Variants in HFM1 observed in about 807,000 individuals in gnomAD.
The protein encoded by HFM1 is helicase for meiosis 1.
In HFM1, 169 loss-of-function variants were observed where a neutral mutation model predicts 192.1. The ratio of observed to expected loss-of-function variants is 0.88; its 90% CI spans 0.78 to 1.00. HFM1 has a LOEUF of 1.00. Among genes scored for constraint, HFM1 ranks in the 50% least tolerant of loss-of-function variants. HFM1 has a pLI of 0.00. For synonymous variants in HFM1, 525 were observed against 537.8 expected, an observed-to-expected ratio of 0.98 and a Z score of 0.33; for missense variants, 1,661 against 1,668.0, an observed-to-expected ratio of 1.00 and a Z score of 0.07.
intron 30 of HFM1, among the ~76,000 whole-genome samples, chr1:91,297,417 CCTGT>C (rs1647824009): frequency 6.6e-6 from 1 of 152,008 alleles, no homozygotes; most frequent in Non-Finnish European, 1.5e-5. Flanking sequence ...CTTAAATGTC[CCTGT>C]CTGACAGCTT....
At chr1:91,287,181 C>T (rs991619083) in intron 30 of HFM1, among the ~76,000 whole-genome samples, 6 of 152,212 alleles carry the variant, frequency 3.9e-5, no homozygotes, top group Non-Finnish European at 8.8e-5. Flanking sequence ...GGCCTGCCTG[C>T]CTCTGTAGGC....
At chr1:91,352,445 A>C in intron 16 of HFM1, 61 bp downstream of exon 16, 1 of 1,286,826 alleles carries the variant, frequency 7.8e-7, no homozygotes, top group Non-Finnish European at 1.1e-6. Flanking sequence ...ATCAAAAAAT[A>C]CACAATTTTT....
chr1:91,264,359 G>GTTTTTTTTTTTTTTTT (rs1466938761), intron 36 of HFM1, among the ~76,000 whole-genome samples: 34 of 54,032 alleles, frequency 6.3e-4, no homozygotes, highest in African/African-American at 8.6e-4. Context: ...CACAAATTTA[G>GTTTTTTTTTTTTTTTT]TATTTTTTTT....
At chr1:91,364,630 A>T (rs76279598) in intron 13 of HFM1, among the ~76,000 whole-genome samples, 18,940 of 73,428 alleles carry the variant, frequency 0.26, 2,466 homozygotes, top group East Asian at 0.41. Flanking sequence ...ATATATATAT[A>T]TATTTTTTTT....
chr1:91,364,609 T>TAG (rs1658989138), intron 13 of HFM1, among the ~76,000 whole-genome samples: 1 of 86,224 alleles, frequency 1.2e-5, no homozygotes, highest in Non-Finnish European at 2.1e-5. Flanking sequence ...TACATATACA[T>TAG]ATATATATAT....
At chr1:91,320,404 A>G (rs1316581450) in intron 23 of HFM1, among the ~76,000 whole-genome samples, 1 of 152,206 alleles carries the variant, frequency 6.6e-6, no homozygotes, top group Middle Eastern at 3.2e-3. Context: ...AGAAATAGTT[A>G]CAAAGATACA....
At chr1:91,326,783 T>C (rs1036495763) in intron 20 of HFM1, among the ~76,000 whole-genome samples, 22 of 147,350 alleles carry the variant, frequency 1.5e-4, no homozygotes, top group Non-Finnish European at 2.9e-4. Flanking sequence ...AATGAAGCAA[T>C]CAAAAATAAT....
Position 91,262,461 on chromosome 1 carries a change from AAAG to A in HFM1, c.4086+17_4086+19del. 1.9e-6 allele frequency: 3 copies of A among 1,567,880 alleles called. No homozygotes were observed. Among genetic ancestry groups the A allele is most frequent in the Non-Finnish European group, 2.6e-6 (3 of 1,145,818 alleles). On this transcript the variant is annotated intron_variant, in intron 37 of 38. Transcript: ENST00000370425. ...CTCGGGCAAAATTTAAAAGAAAAAC[AAAG>A]AAGTGCTTCTTCTTACAATAACTGC...
intron 1 of HFM1, among the ~76,000 whole-genome samples, chr1:91,402,855 C>A (rs1664446967): frequency 6.6e-6 from 1 of 152,022 alleles, no homozygotes; most frequent in African/African-American, 2.4e-5. Flanking sequence ...CTTCCTAAAG[C>A]AACTACAAAT....
chr1:91,325,478 A>C (rs1356091881), intron 20 of HFM1, among the ~76,000 whole-genome samples: 2 of 152,184 alleles, frequency 1.3e-5, no homozygotes, highest in Non-Finnish European at 2.9e-5. Flanking sequence ...TGTATTTTTG[A>C]GAGAAAGTAA....
At chr1:91,357,881 GT>G (rs1396443810) in intron 13 of HFM1, among the ~76,000 whole-genome samples, 1 of 152,120 alleles carries the variant, frequency 6.6e-6, no homozygotes, top group Non-Finnish European at 1.5e-5. Context: ...TTAGGAATAA[GT>G]TTAATTAAGG....
chr1:91,264,501 T>C (rs1417880423), intron 36 of HFM1, among the ~76,000 whole-genome samples: 3 of 145,728 alleles, frequency 2.1e-5, no homozygotes, highest in African/African-American at 7.7e-5. Context: ...GCCTCCCGAG[T>C]AGCTGGGACT....
chr1:91,320,146 T>C (rs549864248), intron 23 of HFM1, among the ~76,000 whole-genome samples: 88 of 152,186 alleles, frequency 5.8e-4, no homozygotes, highest in Non-Finnish European at 1.1e-3. Flanking sequence ...GGATCTCTTT[T>C]AAAAAACAAA....
intron 20 of HFM1, among the ~76,000 whole-genome samples, chr1:91,325,949 G>A (rs1652831083): frequency 6.6e-6 from 1 of 151,954 alleles, no homozygotes; most frequent in African/African-American, 2.4e-5. Context: ...CCTAGAGTTG[G>A]AAAAATGCAA....
At chr1:91,389,725 A>C (rs1270392784) in intron 4 of HFM1, among the ~76,000 whole-genome samples, 1 of 152,204 alleles carries the variant, frequency 6.6e-6, no homozygotes, top group African/African-American at 2.4e-5. Flanking sequence ...CAAAATAACT[A>C]AGACAATTAG....
intron 13 of HFM1, among the ~76,000 whole-genome samples, chr1:91,368,141 G>A (rs202208621): frequency 1.1e-4 from 16 of 152,310 alleles, no homozygotes; most frequent in East Asian, 7.7e-4. Flanking sequence ...TGAAAGTGAC[G>A]GGGAGAATGG....
intron 13 of HFM1, among the ~76,000 whole-genome samples, chr1:91,368,287 C>A (rs1659668210): frequency 6.6e-6 from 1 of 152,080 alleles, no homozygotes; most frequent in Non-Finnish European, 1.5e-5. Context: ...CTCCAAGACA[C>A]ATAATTGTCA....
chr1:91,396,522 G>A (rs940147126), intron 2 of HFM1, 117 bp from the exon 3 acceptor site: 2 of 566,202 alleles, frequency 3.5e-6, no homozygotes, highest in Non-Finnish European at 6.2e-6. Context: ...TTAACTTTCT[G>A]TCAGCACTTT....
chr1:91,261,512 G>C (rs558825976), intron 38 of HFM1, 153 bp from the exon 39 acceptor site: 9 of 392,266 alleles, frequency 2.3e-5, no homozygotes, highest in Non-Finnish European at 4.1e-5. Flanking sequence ...GCATAACTTT[G>C]TAGGAAGTCT....
Sources: allele counts gnomAD v4.1 joint callset (sites outside exome capture counted in the v4.1 genomes callset), GRCh38; gene constraint gnomAD v4.1.1; transcripts MANE v1.5; gene names NCBI Gene and HGNC (gene_info 2026-07-23, HGNC 2026-07-21).